GRID1: variants seen among roughly 807,000 people sequenced by gnomAD.
GRID1 encodes glutamate receptor ionotropic, delta-1.
In GRID1, 28 loss-of-function variants were observed where a neutral mutation model predicts 98.0. The observed-to-expected ratio is 0.29, with a 90% CI of 0.21 to 0.39. The LOEUF (loss-of-function observed/expected upper bound fraction) is 0.39, where lower values mean the gene tolerates loss of function less well. GRID1 is among the 10% of genes least tolerant of loss of function. The probability of loss-of-function intolerance (pLI) is 1.00; values close to 1 mark genes in which losing one functional copy is unlikely to be tolerated. For missense variants in GRID1, 1,111 were observed against 1,340.5 expected, an observed-to-expected ratio of 0.83 and a Z score of 2.67; for synonymous variants, 553 against 538.5, an observed-to-expected ratio of 1.03 and a Z score of -0.37.
chr10:86,161,055 C>T (rs1293106643), intron 3 of GRID1, among the ~76,000 whole-genome samples: 1 of 152,212 alleles, frequency 6.6e-6, no homozygotes, highest in Non-Finnish European at 1.5e-5. Context: ...CTCAGGAAAG[C>T]TGTGCATTGT....
intron 4 of GRID1, among the ~76,000 whole-genome samples, chr10:85,933,067 C>A (rs1417548878): frequency 1.3e-5 from 2 of 152,110 alleles, no homozygotes; most frequent in East Asian, 3.9e-4. Flanking sequence ...GGGCACCATC[C>A]TCATGTATAG....
intron 14 of GRID1, among the ~76,000 whole-genome samples, chr10:85,619,446 T>A (rs1842831691): frequency 6.6e-6 from 1 of 152,256 alleles, no homozygotes; most frequent in Non-Finnish European, 1.5e-5. Context: ...AGTAGGCCCT[T>A]ATCAGATCCT....
chr10:85,951,819 A>AC (rs1842129403), intron 4 of GRID1, among the ~76,000 whole-genome samples: 1 of 152,100 alleles, frequency 6.6e-6, no homozygotes, highest in Non-Finnish European at 1.5e-5. Flanking sequence ...AGAGGTGCCC[A>AC]CAGGGCCCTG....
At chr10:86,115,597 G>A (rs1403983097) in intron 4 of GRID1, among the ~76,000 whole-genome samples, 1 of 152,166 alleles carries the variant, frequency 6.6e-6, no homozygotes, top group Non-Finnish European at 1.5e-5. Context: ...TTCACCTAAG[G>A]TTCTACAGTT....
At chr10:86,044,650 A>T (rs1278528358) in intron 4 of GRID1, among the ~76,000 whole-genome samples, 3 of 152,232 alleles carry the variant, frequency 2.0e-5, no homozygotes, top group Non-Finnish European at 2.9e-5. Flanking sequence ...AGGGTCCCCC[A>T]TGGAATCCCC....
intron 2 of GRID1, among the ~76,000 whole-genome samples, chr10:86,328,812 A>G (rs1848094322): frequency 6.6e-6 from 1 of 151,396 alleles, no homozygotes; most frequent in Non-Finnish European, 1.5e-5. Context: ...CCTTTCCTGT[A>G]AGCTGTGAGA....
intron 2 of GRID1, among the ~76,000 whole-genome samples, chr10:86,238,561 T>G (rs568577568): frequency 1.3e-5 from 2 of 151,268 alleles, no homozygotes; most frequent in African/African-American, 2.4e-5. Context: ...TCCCAGCTAC[T>G]TGGGAGGCTG....
intron 4 of GRID1, among the ~76,000 whole-genome samples, chr10:85,967,416 A>G (rs1842351395): frequency 6.6e-6 from 1 of 152,230 alleles, no homozygotes; most frequent in Non-Finnish European, 1.5e-5. Context: ...TTGCCACATC[A>G]TATTATCTAA....
rs540643041 is a variant in GRID1, at chr10:86,034,791, T to C, written c.726+104028A>G. Among the ~76,000 whole-genome samples, 7 of 152,272 alleles carry C rather than the reference T, an allele frequency of 4.6e-5. No individual in the cohort carries two copies. The East Asian group carries it at 1.4e-3, about 29-fold the overall frequency. ...GTCTATCTTTTCCTCAGATTGTGCC[T>C]GGATGAACAGATGTATGATGGATGG... On this transcript the variant is annotated intron_variant, in intron 4 of 15. Coordinates refer to ENST00000327946, the MANE Select transcript of GRID1 (RefSeq NM_017551.3).
chr10:86,180,412 C>T (rs1194759798), intron 3 of GRID1, among the ~76,000 whole-genome samples: 2 of 152,116 alleles, frequency 1.3e-5, no homozygotes, highest in Admixed American at 1.3e-4. Context: ...TCTAGGACCT[C>T]AGAGGTTGTC....
chr10:85,661,573 G>T (rs1263690711), intron 12 of GRID1, among the ~76,000 whole-genome samples: 1 of 152,174 alleles, frequency 6.6e-6, no homozygotes, highest in African/African-American at 2.4e-5. Context: ...TCTGCAGAGT[G>T]CTGGCAGCCA....
At position 86,365,072 on chromosome 10, in the gene GRID1, G is replaced by A. The variant is rs1199396246; in HGVS notation, c.80-976C>T. ...GGCCCAGTGATCCCTCGAGCTGGGG[G>A]CTGGGTAGGAGGAGGGAGGCCCGGA... On this transcript the variant is annotated intron_variant, in intron 1 of 15. Transcript: ENST00000327946. The surrounding 1 kb of genome is among the most constrained non-coding windows in gnomAD (Gnocchi z 4.8). Among the ~76,000 whole-genome samples, 2 of 152,272 alleles carry A rather than the reference G, an allele frequency of 1.3e-5. No homozygotes were observed. The highest frequency in any genetic ancestry group is 1.9e-4 in the East Asian group (1 of 5,164).
In GRID1 at chr10:85,728,058, G is replaced by A. The variant is rs762434722; in HGVS notation, c.1336-6C>T. The stretch of plus-strand genomic sequence containing the variant: ...ACCATCACGAAAGGCTCTTCCTGAG[G>A]ACAACAGAATGAAGGTTCTCCAATT... On this transcript the variant is annotated splice_polypyrimidine_tract_variant and splice_region_variant and intron_variant, in intron 9 of 15. Transcript: ENST00000327946. 4.4e-6 allele frequency: 7 copies of A among 1,597,958 alleles called. No homozygotes were observed. The Admixed American group carries it at 1.0e-4, about 23-fold the overall frequency.
At chr10:85,723,212 G>A in intron 11 of GRID1, 71 bp from the exon 12 acceptor site, 8 of 1,452,482 alleles carry the variant, frequency 5.5e-6, no homozygotes, top group Non-Finnish European at 7.4e-6. Context: ...GAGGTGTTCT[G>A]CCCTGCAGCC....
intron 2 of GRID1, among the ~76,000 whole-genome samples, chr10:86,314,387 C>T (rs900720381): frequency 6.6e-6 from 1 of 152,232 alleles, no homozygotes; most frequent in Non-Finnish European, 1.5e-5. Context: ...TGGCTCAGAT[C>T]CCTGAGACAA....
chr10:86,201,147 C>A (rs1238541323), intron 3 of GRID1, among the ~76,000 whole-genome samples: 1 of 152,104 alleles, frequency 6.6e-6, no homozygotes, highest in African/African-American at 2.4e-5. Flanking sequence ...TTGGTAATAA[C>A]AAAATCCTGG....
intron 5 of GRID1, among the ~76,000 whole-genome samples, chr10:85,881,039 T>C (rs1052568667): frequency 6.6e-6 from 1 of 152,068 alleles, no homozygotes; most frequent in Non-Finnish European, 1.5e-5. Context: ...TCAAAGAGAA[T>C]AAAATACCTA....
intron 10 of GRID1, among the ~76,000 whole-genome samples, chr10:85,727,160 C>T (rs60047190): frequency 0.059 from 9,045 of 152,084 alleles, 508 homozygotes; most frequent in African/African-American, 0.15. Flanking sequence ...TCCCTGGAGG[C>T]GAGGAGGTCA....
At chr10:86,221,393 A>AC (rs952189697) in intron 2 of GRID1, among the ~76,000 whole-genome samples, 8 of 152,108 alleles carry the variant, frequency 5.3e-5, no homozygotes, top group African/African-American at 1.4e-4. Context: ...CCTCCCGGAA[A>AC]CCCCCCACAA....
Sources: allele counts gnomAD v4.1 joint callset (sites outside exome capture counted in the v4.1 genomes callset), GRCh38; gene constraint gnomAD v4.1.1; non-coding constraint Gnocchi (gnomAD v3.1); transcripts MANE v1.5; gene names NCBI Gene and HGNC (gene_info 2026-07-23, HGNC 2026-07-21).